Variants in PPP6C observed in about 807,000 individuals in gnomAD.
The protein encoded by PPP6C is protein phosphatase 6 catalytic subunit, also known as serine/threonine-protein phosphatase 6 catalytic subunit.
Under a neutral mutation model 39.8 loss-of-function variants are expected in PPP6C, and 11 were observed. The ratio of observed to expected loss-of-function variants is 0.28; its 90% CI spans 0.17 to 0.46. The LOEUF (loss-of-function observed/expected upper bound fraction) is 0.46, where lower values mean the gene tolerates loss of function less well. Among genes scored for constraint, PPP6C ranks in the 20% least tolerant of loss-of-function variants. The pLI is 1.00. For missense variants in PPP6C, 211 were observed against 373.9 expected (o/e 0.56, Z 3.59); for synonymous variants, 129 against 130.3 (o/e 0.99, Z 0.07).
rs532929906 is a variant in PPP6C at position 125,160,514 on chromosome 9, T to C, written c.237+327A>G. 2.8e-3 allele frequency among the ~76,000 whole-genome samples: 419 copies of C among 152,312 alleles called. 4 individuals are homozygous for C. Among genetic ancestry groups the C allele is most frequent in the African/African-American group, 9.7e-3 (405 of 41,582 alleles). ...TGACAATAAGTCTCATGAGATCTGA[T>C]GGTTTTAAAAACAAGAGATCCCTGC... is the stretch of plus-strand genomic sequence containing the variant. On this transcript the variant is annotated intron_variant, in intron 3 of 6. Transcript: ENST00000373547.
At chr9:125,169,769 T>A (rs1375364020) in intron 2 of PPP6C, among the ~76,000 whole-genome samples, 1 of 152,202 alleles carries the variant, frequency 6.6e-6, no homozygotes, top group Non-Finnish European at 1.5e-5. Context: ...TAAAGTCTAC[T>A]CTAAAGAACT....
intron 1 of PPP6C, among the ~76,000 whole-genome samples, chr9:125,185,030 T>C (rs1050099749): frequency 2.0e-5 from 3 of 150,884 alleles, no homozygotes; most frequent in Admixed American, 1.3e-4. Flanking sequence ...TCCAAGAGAT[T>C]AGACAACCTC....
chr9:125,177,239 T>C (rs1829319663), intron 1 of PPP6C, among the ~76,000 whole-genome samples: 2 of 152,066 alleles, frequency 1.3e-5, no homozygotes, highest in African/African-American at 4.8e-5. Context: ...CCGGGCGTGG[T>C]GGCGGGCGCC....
At chr9:125,170,953 A>C (rs1029750326) in intron 2 of PPP6C, 132 bp downstream of exon 2, 1 of 531,276 alleles carries the variant, frequency 1.9e-6, no homozygotes, top group Non-Finnish European at 3.2e-6. Context: ...TGTGTCACAG[A>C]GACTGAGGCA....
At chr9:125,160,671 C>A (rs1828847337) in intron 3 of PPP6C, among the ~76,000 whole-genome samples, 170 bp downstream of exon 3, 1 of 152,128 alleles carries the variant, frequency 6.6e-6, no homozygotes, top group Non-Finnish European at 1.5e-5. Context: ...TGTAAATTGC[C>A]CAGTCTCAGG....
intron 1 of PPP6C, among the ~76,000 whole-genome samples, chr9:125,179,988 T>C (rs1829388938): frequency 1.3e-5 from 2 of 152,238 alleles, no homozygotes; most frequent in Non-Finnish European, 2.9e-5. Flanking sequence ...TATTGCAACA[T>C]AATTCACCTA....
At chr9:125,160,711 C>G (rs1480560584) in intron 3 of PPP6C, 130 bp downstream of exon 3, 1 of 604,908 alleles carries the variant, frequency 1.7e-6, no homozygotes, top group Non-Finnish European at 2.6e-6. Flanking sequence ...TGAAAACGGA[C>G]TAATACACAT....
At chr9:125,156,981 AT>A (rs1836092648) in intron 4 of PPP6C, among the ~76,000 whole-genome samples, 1 of 151,528 alleles carries the variant, frequency 6.6e-6, no homozygotes, top group Non-Finnish European at 1.5e-5. Flanking sequence ...GCCCGGCTAA[AT>A]TTTTTTTATT....
Position 125,148,020 on chromosome 9 carries a change from C to T in PPP6C, c.*1653G>A, listed in dbSNP as rs909138761. 2 of 186,138 alleles carry T rather than the reference C, an allele frequency of 1.1e-5. No homozygotes were observed. Among genetic ancestry groups the T allele is most frequent in the African/African-American group, 2.4e-5 (1 of 41,542 alleles). The allele number at this position is 186,138 out of a possible 1,614,324, so 11.5% of individuals were successfully genotyped here. On this transcript the variant is annotated 3_prime_UTR_variant, in exon 7 of 7. Coordinates refer to ENST00000373547, the MANE Select transcript of PPP6C (RefSeq NM_002721.5). ...TGTGTGCAGCAAATGTCTTAGCCAC[C>T]TCTTTCATATAGCTATATAATTAAA...
chr9:125,162,350 T>C (rs535383326), intron 2 of PPP6C, among the ~76,000 whole-genome samples: 11 of 146,280 alleles, frequency 7.5e-5, no homozygotes, highest in Admixed American at 1.4e-4. Flanking sequence ...CCCAGCTACC[T>C]GGGAGGCTGA....
At chr9:125,173,404 CAAAAAAAAAAAAA>C (rs1157793278) in intron 1 of PPP6C, among the ~76,000 whole-genome samples, 3 of 50,770 alleles carry the variant, frequency 5.9e-5, no homozygotes, top group African/African-American at 8.5e-5. Context: ...GACTCCCTCT[CAAAAAAAAAAAAA>C]AAAAAAAAAA....
intron 6 of PPP6C, 115 bp from the exon 7 acceptor site, chr9:125,150,036 C>T (rs1432554152): frequency 5.3e-6 from 7 of 1,325,916 alleles, no homozygotes; most frequent in East Asian, 2.5e-5. Flanking sequence ...GATTATAGAA[C>T]GCACTCTATA....
intron 3 of PPP6C, among the ~76,000 whole-genome samples, chr9:125,159,036 G>GTTTTTTTTTTTTT (rs1176354960): frequency 8.5e-6 from 1 of 117,984 alleles, no homozygotes; most frequent in African/African-American, 3.1e-5. Context: ...TATTTTTTAA[G>GTTTTTTTTTTTTT]TTTTTTTTTT....
At chr9:125,157,815 C>A (rs1426343768) in intron 4 of PPP6C, among the ~76,000 whole-genome samples, 4 of 151,836 alleles carry the variant, frequency 2.6e-5, no homozygotes, top group African/African-American at 4.8e-5. Context: ...CTCAGCCTCC[C>A]GAGTAACTGG....
intron 1 of PPP6C, among the ~76,000 whole-genome samples, chr9:125,185,630 G>A (rs1042352312): frequency 1.1e-4 from 16 of 151,046 alleles, no homozygotes; most frequent in Non-Finnish European, 1.9e-4. Context: ...GGAGGCGGAG[G>A]TTGCAGTGAG....
intron 2 of PPP6C, among the ~76,000 whole-genome samples, chr9:125,168,522 G>C (rs1401103285): frequency 6.6e-6 from 1 of 151,780 alleles, no homozygotes; most frequent in African/African-American, 2.4e-5. Flanking sequence ...GCAATGGCGC[G>C]ATCTCGGCTC....
In PPP6C at chr9:125,148,057, G is replaced by A; in HGVS notation, c.*1616C>T. 1 of 186,272 alleles carries A rather than the reference G, an allele frequency of 5.4e-6. No individual in the cohort carries two copies. Among genetic ancestry groups the A allele is most frequent in the Non-Finnish European group, 1.1e-5 (1 of 88,732 alleles). The allele number at this position is 186,272 out of a possible 1,614,324, so 11.5% of individuals were successfully genotyped here. A position where few individuals can be genotyped will look rare whatever the true frequency, so the allele number is the denominator to read the frequency against. On this transcript the variant is annotated 3_prime_UTR_variant, in exon 7 of 7. Coordinates refer to ENST00000373547, the MANE Select transcript of PPP6C (RefSeq NM_002721.5). ...GCTATATAATTAAAAACTATGTAAG[G>A]AGCTGGGTGGTTTGAGGGAAAAAAA...
At chr9:125,161,407 A>C (rs1446278474) in intron 2 of PPP6C, among the ~76,000 whole-genome samples, 1 of 152,064 alleles carries the variant, frequency 6.6e-6, no homozygotes, top group African/African-American at 2.4e-5. Context: ...GTGTCTCCTC[A>C]ATGATCAGTT....
chr9:125,151,519 C>A (rs977818188), intron 6 of PPP6C: 2 of 799,176 alleles, frequency 2.5e-6, no homozygotes, highest in African/African-American at 3.4e-5. Flanking sequence ...TCTCTATGAG[C>A]CTTGCAGAAG....
Sources: allele counts gnomAD v4.1 joint callset (sites outside exome capture counted in the v4.1 genomes callset), GRCh38; gene constraint gnomAD v4.1.1; transcripts MANE v1.5; gene names NCBI Gene and HGNC (gene_info 2026-07-23, HGNC 2026-07-21).